The following MGAT4D variants were observed in gnomAD, a reference collection of about 807,000 sequenced individuals.
MGAT4D encodes the protein alpha-1,3-mannosyl-glycoprotein 4-beta-N-acetylglucosaminyltransferase-like protein MGAT4D.
Under a neutral mutation model 15.9 loss-of-function variants are expected in MGAT4D, and 34 were observed. The ratio of observed to expected loss-of-function variants is 2.14; its 90% confidence interval spans 1.62 to 2.84. The LOEUF is 2.84. Ranked by LOEUF, MGAT4D falls within the 30% of genes most tolerant of loss-of-function variation. The pLI is 0.00. For synonymous variants in MGAT4D, 112 were observed against 48.2 expected, an observed-to-expected ratio of 2.33 and a Z score of -5.49; for missense variants, 327 against 140.2, an observed-to-expected ratio of 2.33 and a Z score of -6.73.
At chr4:140,452,791 G>A (rs1730554138) in intron 9 of MGAT4D, among the ~76,000 whole-genome samples, 1 of 152,004 alleles carries the variant, frequency 6.6e-6, no homozygotes, top group African/African-American at 2.4e-5. Flanking sequence ...TTTTAAAAAT[G>A]CTTTTAGTGT....
intron 1 of MGAT4D, among the ~76,000 whole-genome samples, chr4:140,494,984 T>C (rs2110729559): frequency 6.6e-6 from 1 of 152,324 alleles, no homozygotes; most frequent in African/African-American, 2.4e-5. Context: ...TCCAATAATA[T>C]TTAAATGTAT....
rs1050667294 is a variant in MGAT4D at position 140,482,331 on chromosome 4, G to A, written c.249C>T (p.Asn83=). 4.8e-6 allele frequency: 3 copies of A among 620,680 alleles called. No individual in the cohort carries two copies. Among genetic ancestry groups the A allele is most frequent in the Non-Finnish European group, 5.7e-6 (2 of 353,622 alleles). The allele number at this position is 620,680 out of a possible 1,614,324, so 38.4% of individuals were successfully genotyped here. A position where few individuals can be genotyped will look rare whatever the true frequency, so the allele number is the denominator to read the frequency against. ...ACAAACAAAATCAACACAAACCTAA[G>A]TTTCCTGACAAAATTTCTCTCTTTG... ...EITKREILSG[N]LVAQKADILN... Residue 83 remains asparagine (N), a synonymous_variant, in exon 2 of 11, where the codon AAC becomes AAT. Transcript: ENST00000511113.
chr4:140,467,709 A>G (rs1416452393), intron 5 of MGAT4D, among the ~76,000 whole-genome samples: 1 of 152,120 alleles, frequency 6.6e-6, no homozygotes, highest in Non-Finnish European at 1.5e-5. Flanking sequence ...CTAGTTTCCA[A>G]TGACTGGAGA....
intron 5 of MGAT4D, among the ~76,000 whole-genome samples, chr4:140,469,469 A>G (rs1018456629): frequency 1.3e-5 from 2 of 152,222 alleles, no homozygotes; most frequent in Admixed American, 1.3e-4. Flanking sequence ...AGTCGTCTAA[A>G]AAGTGCCTAT....
chr4:140,461,440 C>T (rs1230142880), intron 7 of MGAT4D, among the ~76,000 whole-genome samples: 2 of 152,162 alleles, frequency 1.3e-5, no homozygotes, highest in East Asian at 3.9e-4. Context: ...TTATAGGGTA[C>T]AAACTATATA....
intron 9 of MGAT4D, among the ~76,000 whole-genome samples, chr4:140,452,899 G>A (rs1239755709): frequency 6.6e-6 from 1 of 152,030 alleles, no homozygotes; most frequent in Non-Finnish European, 1.5e-5. Context: ...TTTGTGTTTA[G>A]ATAGATGATT....
At chr4:140,494,412 T>C (rs1457287289) in intron 1 of MGAT4D, among the ~76,000 whole-genome samples, 1 of 152,264 alleles carries the variant, frequency 6.6e-6, no homozygotes, top group Non-Finnish European at 1.5e-5. Context: ...TTCAGTTTTC[T>C]AGCTTTTCCT....
chr4:140,489,119 T>C (rs903538570), intron 1 of MGAT4D, among the ~76,000 whole-genome samples: 2 of 152,158 alleles, frequency 1.3e-5, no homozygotes, highest in South Asian at 2.1e-4. Flanking sequence ...AGGGGGTAAA[T>C]AGAAGGGCAA....
intron 1 of MGAT4D, among the ~76,000 whole-genome samples, chr4:140,483,229 C>T (rs1008016903): frequency 6.6e-5 from 10 of 152,082 alleles, no homozygotes; most frequent in Non-Finnish European, 1.3e-4. Context: ...TTTCTATCCA[C>T]TAACAGCAAA....
At chr4:140,483,165 T>A (rs1254175077) in intron 1 of MGAT4D, among the ~76,000 whole-genome samples, 1 of 152,178 alleles carries the variant, frequency 6.6e-6, no homozygotes, top group African/African-American at 2.4e-5. Flanking sequence ...GTTGTGAAGA[T>A]GTAGTGCTGA....
Position 140,461,960 on chromosome 4 carries a change from T to C in MGAT4D, c.731A>G (p.Tyr244Cys), listed in dbSNP as rs1235111178. The change falls in exon 7 of 11, where the codon TAT becomes TGT. Residue 244 changes from tyrosine (Y) to cysteine (C), a missense_variant. Tyr to Cys is a radical substitution (Grantham distance 194). Coordinates refer to ENST00000511113, the MANE Select transcript of MGAT4D (RefSeq NM_001277353.2). ...ATAATACTTGGCCTTGGGTTGGGCA[T>C]ACAGCAACAAAATGCAAAAATCCAA... The part of the protein sequence containing the change: ...QVLDFCILLL[Y>C]AQPKAKYYLQ... 2 of 700,260 alleles carry C rather than the reference T, an allele frequency of 2.9e-6. No homozygotes were observed. Among genetic ancestry groups the C allele is most frequent in the Admixed American group, 2.0e-5 (1 of 49,888 alleles). 43.4% of individuals were successfully genotyped at this position (700,260 alleles called of 1,614,324 possible).
intron 8 of MGAT4D, chr4:140,458,608 C>A (rs1208129131): frequency 6.6e-6 from 1 of 152,070 alleles, no homozygotes; most frequent in African/African-American, 2.4e-5. Context: ...ATTTCAGTGA[C>A]CATCATTATG....
chr4:140,449,056 C>A (rs904653508), intron 10 of MGAT4D, among the ~76,000 whole-genome samples: 9 of 152,274 alleles, frequency 5.9e-5, no homozygotes, highest in East Asian at 5.8e-4. Flanking sequence ...TGGCCCTATG[C>A]CCAGTGCACT....
At position 140,448,569 on chromosome 4, in the gene MGAT4D, A is replaced by C. The variant is rs149139158; in HGVS notation, c.1116+2841T>G. Reference sequence around the variant, plus strand: ...TATCAGGTCAGTTAGATTATTTTTTATACTGGTTATTTTATCTGTCAGCTC... The same window carrying C: ...TATCAGGTCAGTTAGATTATTTTTTCTACTGGTTATTTTATCTGTCAGCTC... On this transcript the variant is annotated intron_variant, in intron 10 of 10. Coordinates refer to ENST00000511113, the MANE Select transcript of MGAT4D (RefSeq NM_001277353.2). Among the ~76,000 whole-genome samples the C allele has an allele frequency of 7.8e-3, 1,184 of 152,186 alleles. 12 individuals carry two copies. The highest frequency in any genetic ancestry group is 0.013 in the Non-Finnish European group (880 of 67,990).
intron 3 of MGAT4D, among the ~76,000 whole-genome samples, chr4:140,479,283 A>G (rs1732538666): frequency 6.6e-6 from 1 of 152,238 alleles, no homozygotes; most frequent in Non-Finnish European, 1.5e-5. Flanking sequence ...GTGTTATGCT[A>G]AATTTGAATT....
intron 10 of MGAT4D, among the ~76,000 whole-genome samples, chr4:140,445,991 C>T (rs1457207160): frequency 1.3e-5 from 2 of 152,094 alleles, no homozygotes; most frequent in Non-Finnish European, 2.9e-5. Context: ...GTATATTGAA[C>T]CAATCTTGCA....
At chr4:140,449,586 C>T (rs965438031) in intron 10 of MGAT4D, among the ~76,000 whole-genome samples, 8 of 151,998 alleles carry the variant, frequency 5.3e-5, no homozygotes, top group South Asian at 4.2e-4. Flanking sequence ...GGTGAAACCC[C>T]GTCTCTACTA....
chr4:140,465,323 A>C (rs1231136679), intron 5 of MGAT4D, among the ~76,000 whole-genome samples: 2 of 152,216 alleles, frequency 1.3e-5, no homozygotes, highest in African/African-American at 4.8e-5. Context: ...TTATGAGAAC[A>C]CAGTGACTGC....
chr4:140,472,030 C>T (rs1342823512), intron 4 of MGAT4D, among the ~76,000 whole-genome samples: 1 of 151,902 alleles, frequency 6.6e-6, no homozygotes, highest in African/African-American at 2.4e-5. Flanking sequence ...TCATTCTTTT[C>T]CCTTTGCCAC....
Sources: gnomAD v4.1 joint callset for allele counts (sites outside exome capture counted in the v4.1 genomes callset) on GRCh38, gnomAD v4.1.1 for gene constraint, MANE v1.5 for transcripts, NCBI Gene and HGNC (gene_info 2026-07-23, HGNC 2026-07-21) for gene names.